GALNTL6: variants seen among roughly 807,000 people sequenced by gnomAD.
The protein encoded by GALNTL6 is polypeptide N-acetylgalactosaminyltransferase-like 6.
GALNTL6 carries 46 observed loss-of-function variants against 73.7 expected under a neutral mutation model. The ratio of observed to expected loss-of-function variants is 0.62; its 90% confidence interval spans 0.49 to 0.80. The LOEUF is 0.80. GALNTL6 is among the 30% of genes least tolerant of loss of function. The pLI, the probability that GALNTL6 is intolerant of heterozygous loss-of-function variation, is 0.00. For synonymous variants in GALNTL6, 259 were observed against 263.7 expected, an observed-to-expected ratio of 0.98 and a Z score of 0.17; for missense variants, 604 against 755.0, an observed-to-expected ratio of 0.80 and a Z score of 2.34.
At chr4:172,145,883 A>G (rs1733914235) in intron 2 of GALNTL6, among the ~76,000 whole-genome samples, 1 of 152,224 alleles carries the variant, frequency 6.6e-6, no homozygotes, top group South Asian at 2.1e-4. Context: ...CCATAATGAC[A>G]TGAACACCCA....
intron 10 of GALNTL6, among the ~76,000 whole-genome samples, chr4:173,002,166 C>G (rs1475105542): frequency 6.6e-6 from 1 of 151,124 alleles, no homozygotes; most frequent in African/African-American, 2.4e-5. Flanking sequence ...CAGAGGTGGG[C>G]AGATCAAGAG....
chr4:172,447,224 G>A (rs572895248), intron 5 of GALNTL6, among the ~76,000 whole-genome samples: 1 of 152,296 alleles, frequency 6.6e-6, no homozygotes, highest in Admixed American at 6.5e-5. Flanking sequence ...CTATTTCACA[G>A]AAATGTTCTT....
chr4:172,647,129 G>A (rs1330102927), intron 5 of GALNTL6, among the ~76,000 whole-genome samples: 1 of 152,032 alleles, frequency 6.6e-6, no homozygotes, highest in East Asian at 1.9e-4. Flanking sequence ...TGTCCTTAAG[G>A]AAAACTCTAG....
chr4:171,916,444 A>G (rs1241424666), intron 2 of GALNTL6, among the ~76,000 whole-genome samples: 1 of 152,158 alleles, frequency 6.6e-6, no homozygotes, highest in Non-Finnish European at 1.5e-5. Flanking sequence ...GTATTCTTTC[A>G]TATATACTGC....
chr4:171,819,722 A>G (rs1241138834), intron 2 of GALNTL6, among the ~76,000 whole-genome samples: 2 of 152,172 alleles, frequency 1.3e-5, no homozygotes, highest in East Asian at 3.8e-4. Context: ...ACTTAAAATC[A>G]TGAGAAGGCA....
chr4:172,208,148 G>A (rs1164823075), intron 2 of GALNTL6, among the ~76,000 whole-genome samples: 1 of 152,176 alleles, frequency 6.6e-6, no homozygotes, highest in East Asian at 1.9e-4. Flanking sequence ...AGTGAGACCT[G>A]TGACCTGTAC....
chr4:172,752,572 TA>T (rs1447731671), intron 5 of GALNTL6, among the ~76,000 whole-genome samples: 11 of 152,138 alleles, frequency 7.2e-5, no homozygotes, highest in Non-Finnish European at 7.4e-5. Flanking sequence ...TAAAGGTTTA[TA>T]TTTTTTACAA....
At chr4:172,209,411 T>C (rs2110922281) in intron 2 of GALNTL6, among the ~76,000 whole-genome samples, 1 of 150,030 alleles carries the variant, frequency 6.7e-6, no homozygotes, top group South Asian at 2.2e-4. Context: ...TCTGACTATC[T>C]TTCTAAGAAA....
chr4:173,022,034 G>GGAAA (rs1391570324), intron 12 of GALNTL6, among the ~76,000 whole-genome samples: 18 of 18,288 alleles, frequency 9.8e-4, no homozygotes, highest in African/African-American at 2.7e-3. Flanking sequence ...AAGGAAAGAA[G>GGAAA]GAAGGAAGGA....
chr4:172,277,912 T>C (rs923718436), intron 3 of GALNTL6, among the ~76,000 whole-genome samples: 1 of 152,170 alleles, frequency 6.6e-6, no homozygotes, highest in Admixed American at 6.6e-5. Flanking sequence ...TATATGTACA[T>C]AATTAAAACA....
At chr4:172,169,838 G>A (rs1734754269) in intron 2 of GALNTL6, among the ~76,000 whole-genome samples, 1 of 152,296 alleles carries the variant, frequency 6.6e-6, no homozygotes, top group South Asian at 2.1e-4. Flanking sequence ...GCTTTTCAGA[G>A]GTTTAATTTC....
chr4:172,786,911 C>A (rs897201906), intron 5 of GALNTL6, among the ~76,000 whole-genome samples: 4 of 152,058 alleles, frequency 2.6e-5, no homozygotes, highest in African/African-American at 9.7e-5. Flanking sequence ...TAATTTATCA[C>A]AAAGTGAACT....
chr4:172,570,057 C>T (rs1736705162), intron 5 of GALNTL6, among the ~76,000 whole-genome samples: 1 of 152,134 alleles, frequency 6.6e-6, no homozygotes, highest in Non-Finnish European at 1.5e-5. Context: ...TGATCTTTGT[C>T]AGATGTATTT....
At chr4:172,459,116 A>G (rs1010333119) in intron 5 of GALNTL6, among the ~76,000 whole-genome samples, 1 of 152,220 alleles carries the variant, frequency 6.6e-6, no homozygotes, top group Non-Finnish European at 1.5e-5. Flanking sequence ...CAAAAACCAC[A>G]TGATTATCTC....
In GALNTL6 at chr4:172,985,021, A is replaced by G. The variant is rs138405863; in HGVS notation, c.1372-24157A>G. 4.2e-3 allele frequency among the ~76,000 whole-genome samples: 644 copies of G among 152,284 alleles called. 5 individuals carry two copies. Among genetic ancestry groups the G allele is most frequent in the African/African-American group, 0.014 (598 of 41,550 alleles). Reference sequence around the variant, plus strand: ...TAAAATAATACTGATGGCCTTGAATAAAGTGCTTAAGGCCAGGCTCTAAAA... The same window carrying G: ...TAAAATAATACTGATGGCCTTGAATGAAGTGCTTAAGGCCAGGCTCTAAAA... On this transcript the variant is annotated intron_variant, in intron 10 of 12. Coordinates refer to ENST00000506823, the MANE Select transcript of GALNTL6 (RefSeq NM_001034845.3).
At position 172,798,116 on chromosome 4, in the gene GALNTL6, A is replaced by G. The variant is rs561376459; in HGVS notation, c.554-11245A>G. Among the ~76,000 whole-genome samples the G allele has an allele frequency of 5.3e-5, 8 of 152,236 alleles. No homozygotes were observed. The East Asian group carries it at 7.7e-4, about 15-fold the overall frequency. On this transcript the variant is annotated intron_variant, in intron 5 of 12. Coordinates refer to ENST00000506823, the MANE Select transcript of GALNTL6 (RefSeq NM_001034845.3). ...TTGATGTGGCTCATATTCACTTACA[A>G]TCATTTAGGTCCACAGTTCTCATTC...
rs837212 is a variant in GALNTL6, at chr4:172,647,722, C to G, written c.554-161639C>G. Among the ~76,000 whole-genome samples, 72 of 152,144 alleles carry G rather than the reference C, an allele frequency of 4.7e-4. 1 individual carries two copies. The highest frequency in any genetic ancestry group is 1.6e-3 in the African/African-American group (68 of 41,494). Reference sequence around the variant, plus strand: ...CTCTGCATTACATAAAAAAGTTATCCCAAATTGACTGATGAAAAATCTTCA... The same window carrying G: ...CTCTGCATTACATAAAAAAGTTATCGCAAATTGACTGATGAAAAATCTTCA... On this transcript the variant is annotated intron_variant, in intron 5 of 12. Coordinates refer to ENST00000506823, the MANE Select transcript of GALNTL6 (RefSeq NM_001034845.3).
At chr4:172,486,491 A>C (rs576691067) in intron 5 of GALNTL6, among the ~76,000 whole-genome samples, 2 of 152,272 alleles carry the variant, frequency 1.3e-5, no homozygotes, top group Non-Finnish European at 2.9e-5. Flanking sequence ...AACCACTTCC[A>C]ATTTTGTTGT....
At position 172,155,986 on chromosome 4, in the gene GALNTL6, G is replaced by T. The variant is rs115090665; in HGVS notation, c.139-73670G>T. On this transcript the variant is annotated intron_variant, in intron 2 of 12. Transcript: ENST00000506823. ...CTTCAAAAGATAATTTTTACCTTTTGCAAGGCTCTTGTATCGGTTGGAACC... is the reference window on the plus strand; with the variant it reads ...CTTCAAAAGATAATTTTTACCTTTTTCAAGGCTCTTGTATCGGTTGGAACC... 8.0e-3 allele frequency among the ~76,000 whole-genome samples: 1,225 copies of T among 152,186 alleles called. 19 individuals carry two copies. Among genetic ancestry groups the T allele is most frequent in the African/African-American group, 0.028 (1,158 of 41,514 alleles).
Sources: gnomAD v4.1 joint callset for allele counts (sites outside exome capture counted in the v4.1 genomes callset) on GRCh38, gnomAD v4.1.1 for gene constraint, MANE v1.5 for transcripts, NCBI Gene and HGNC (gene_info 2026-07-23, HGNC 2026-07-21) for gene names.